Variants in SRD5A1 observed in about 807,000 individuals in gnomAD.
SRD5A1 encodes the protein steroid 5 alpha-reductase 1, also known as 3-oxo-5-alpha-steroid 4-dehydrogenase 1.
In SRD5A1, 22 loss-of-function variants were observed where a neutral mutation model predicts 28.2. The observed-to-expected ratio is 0.78, with a 90% confidence interval of 0.56 to 1.12. The LOEUF is 1.12. Among genes scored for constraint, SRD5A1 ranks in the 50% most tolerant of loss-of-function variants. The pLI is 0.00. For synonymous variants in SRD5A1, 151 were observed against 135.0 expected, an observed-to-expected ratio of 1.12 and a Z score of -0.82; for missense variants, 300 against 346.7, an observed-to-expected ratio of 0.87 and a Z score of 1.07.
In SRD5A1 at chr5:6,647,141, CTGTT is replaced by C. The variant is rs571877502; in HGVS notation, c.294-4696_294-4693del. The stretch of plus-strand genomic sequence containing the variant: ...TTTGATTGCACTGTGATATAAGAGA[CTGTT>C]TGTTATGATTTCCATTCTTTTGCAT... On this transcript the variant is annotated intron_variant, in intron 1 of 4. Transcript: ENST00000274192. 2.2e-4 allele frequency among the ~76,000 whole-genome samples: 33 copies of C among 152,250 alleles called. No individual in the cohort carries two copies. The East Asian group carries it at 6.2e-3, about 28-fold the overall frequency.
rs780676354 is a variant in SRD5A1 at position 6,662,900 on chromosome 5, TC to T, written c.649del (p.Gln217LysfsTer38). 2.5e-6 allele frequency: 4 copies of T among 1,613,736 alleles called. No individual in the cohort carries two copies. Among genetic ancestry groups the T allele is most frequent in the Non-Finnish European group, 3.4e-6 (4 of 1,180,044 alleles). ...WCGYALASWS[V>X]QGAAFAFFTF... Reference sequence around the variant, plus strand: ...GGCTATGCCCTGGCCAGCTGGTCTGTCCAAGGCGCGGCTTTTGCTTTCTTCA... The same window carrying T: ...GGCTATGCCCTGGCCAGCTGGTCTGTCAAGGCGCGGCTTTTGCTTTCTTCA... On this transcript the variant is annotated frameshift_variant, in exon 4 of 5. Transcript: ENST00000274192. LOFTEE classifies it high-confidence loss of function.
chr5:6,662,790 C>T, intron 3 of SRD5A1, 26 bp from the exon 4 acceptor site: 1 of 1,603,432 alleles, frequency 6.2e-7, no homozygotes, highest in Non-Finnish European at 8.5e-7. Context: ...AGTAAATGCA[C>T]TACTTTGGTC....
In SRD5A1 at chr5:6,668,508, G is replaced by C. The variant is rs1326839678; in HGVS notation, c.*240G>C. 2.8e-6 allele frequency: 1 copy of C among 352,878 alleles called. No individual in the cohort carries two copies. The allele number at this position is 352,878 out of a possible 1,614,324, so 21.9% of individuals were successfully genotyped here. On this transcript the variant is annotated 3_prime_UTR_variant, in exon 5 of 5. Coordinates refer to ENST00000274192, the MANE Select transcript of SRD5A1 (RefSeq NM_001047.4). ...GAATTTCAAGCTCTGGGTAATAACT[G>C]CTGATATTTTTTCTAATTTCAAATT...
intron 1 of SRD5A1, among the ~76,000 whole-genome samples, chr5:6,643,617 G>T (rs1373819002): frequency 6.6e-6 from 1 of 152,118 alleles, no homozygotes. Context: ...ACTGTTGAGG[G>T]TGCTCCCAGT....
intron 3 of SRD5A1, among the ~76,000 whole-genome samples, chr5:6,661,012 C>T (rs1738983345): frequency 1.3e-5 from 2 of 152,156 alleles, no homozygotes; most frequent in South Asian, 4.1e-4. Flanking sequence ...CCAGTCACCT[C>T]CCACTGGGTC....
At chr5:6,667,765 C>T (rs191291227) in intron 4 of SRD5A1, among the ~76,000 whole-genome samples, 26 of 152,314 alleles carry the variant, frequency 1.7e-4, no homozygotes, top group Middle Eastern at 3.4e-3. Flanking sequence ...CAGCTGGGTG[C>T]CCACTCTACA....
chr5:6,651,034 C>G (rs1175089849), intron 1 of SRD5A1, among the ~76,000 whole-genome samples: 1 of 152,032 alleles, frequency 6.6e-6, no homozygotes, highest in Non-Finnish European at 1.5e-5. Context: ...ATTTTATCCT[C>G]TATCAAATGT....
chr5:6,647,644 T>C (rs1292554294), intron 1 of SRD5A1, among the ~76,000 whole-genome samples: 1 of 152,234 alleles, frequency 6.6e-6, no homozygotes, highest in Non-Finnish European at 1.5e-5. Flanking sequence ...ATCCCTTTAT[T>C]TTGAGCCTAT....
intron 3 of SRD5A1, among the ~76,000 whole-genome samples, chr5:6,661,254 T>C (rs1738990175): frequency 6.6e-6 from 1 of 152,022 alleles, no homozygotes; most frequent in South Asian, 2.1e-4. Context: ...AAATAGACCA[T>C]CTCAGGCTGG....
Position 6,638,647 on chromosome 5 carries a change from A to C in SRD5A1, c.293+4778A>C, listed in dbSNP as rs190486309. ...CTAATTAATTTGTTTTAATAAGGGC[A>C]TACTGAATCCTTGGCCCTTGCCTCA... On this transcript the variant is annotated intron_variant, in intron 1 of 4. Coordinates refer to ENST00000274192, the MANE Select transcript of SRD5A1 (RefSeq NM_001047.4). 8.5e-5 allele frequency among the ~76,000 whole-genome samples: 13 copies of C among 152,386 alleles called. No homozygotes were observed. In the East Asian group the frequency reaches 2.5e-3, roughly 29 times the overall value.
chr5:6,649,180 T>C (rs989437350), intron 1 of SRD5A1, among the ~76,000 whole-genome samples: 4 of 152,178 alleles, frequency 2.6e-5, no homozygotes, highest in African/African-American at 7.2e-5. Context: ...GGAGGAGTCT[T>C]CCAGTGTGGA....
intron 1 of SRD5A1, among the ~76,000 whole-genome samples, chr5:6,640,216 C>G (rs1440828870): frequency 1.3e-5 from 2 of 152,030 alleles, no homozygotes; most frequent in African/African-American, 2.4e-5. Context: ...ACGTTCTGAT[C>G]TGTAAAATAG....
intron 3 of SRD5A1, among the ~76,000 whole-genome samples, chr5:6,661,835 A>ATTTT (rs1338090725): frequency 6.6e-6 from 1 of 151,560 alleles, no homozygotes; most frequent in Non-Finnish European, 1.5e-5. Flanking sequence ...GCCCAGCCTA[A>ATTTT]TTTTTTTTTA....
intron 3 of SRD5A1, among the ~76,000 whole-genome samples, chr5:6,656,704 T>C (rs544334664): frequency 2.2e-4 from 33 of 152,214 alleles, no homozygotes; most frequent in Admixed American, 6.5e-4. Context: ...ACTACTTGTA[T>C]AGTATGAAAA....
At chr5:6,643,755 C>T (rs1579397997) in intron 1 of SRD5A1, among the ~76,000 whole-genome samples, 1 of 152,326 alleles carries the variant, frequency 6.6e-6, no homozygotes, top group East Asian at 1.9e-4. Context: ...GCTTTCCTTG[C>T]TTCACTAACC....
At position 6,645,075 on chromosome 5, in the gene SRD5A1, T is replaced by C. The variant is rs753079917; in HGVS notation, c.294-6767T>C. On this transcript the variant is annotated intron_variant, in intron 1 of 4. Transcript: ENST00000274192. ...GTCTTCCTAGGGGTCCTGGCCTGAA[T>C]GAGATGAGAACCTTGGAGGCTGCTT... The C allele has an allele frequency of 1.8e-5, 8 of 446,656 alleles. No homozygotes were observed. In the East Asian group the frequency reaches 4.9e-4, roughly 27 times the overall value. The allele number at this position is 446,656 out of a possible 1,614,324, so 27.7% of individuals were successfully genotyped here. A position where few individuals can be genotyped will look rare whatever the true frequency, so the allele number is the denominator to read the frequency against.
chr5:6,667,783 G>A (rs1739230240), intron 4 of SRD5A1, among the ~76,000 whole-genome samples: 1 of 152,130 alleles, frequency 6.6e-6, no homozygotes, highest in Non-Finnish European at 1.5e-5. Flanking sequence ...ACACACCCTG[G>A]GCTAGGCCAG....
intron 1 of SRD5A1, among the ~76,000 whole-genome samples, chr5:6,646,828 T>C (rs1738523892): frequency 6.6e-6 from 1 of 152,118 alleles, no homozygotes; most frequent in South Asian, 2.1e-4. Context: ...GCTTTTGAAT[T>C]TGTTTGTTCT....
intron 2 of SRD5A1, among the ~76,000 whole-genome samples, chr5:6,655,155 A>G (rs943178527): frequency 6.6e-6 from 1 of 152,252 alleles, no homozygotes; most frequent in Non-Finnish European, 1.5e-5. Context: ...GTGATGACTC[A>G]GATAATAATG....
Sources: gnomAD v4.1 joint callset for allele counts (sites outside exome capture counted in the v4.1 genomes callset) on GRCh38, gnomAD v4.1.1 for gene constraint, MANE v1.5 for transcripts, NCBI Gene and HGNC (gene_info 2026-07-23, HGNC 2026-07-21) for gene names.